Variants in SON observed in about 807,000 individuals in gnomAD.
SON encodes the protein protein SON.
A neutral mutation model predicts 173.3 loss-of-function variants in SON; 4 were observed. The observed-to-expected ratio is 0.02, with a 90% CI of 0.01 to 0.05. The LOEUF (loss-of-function observed/expected upper bound fraction) is 0.05, where lower values mean the gene tolerates loss of function less well. Among genes scored for constraint, SON ranks in the 10% least tolerant of loss-of-function variants. The pLI is 1.00. For missense variants in SON, 2,626 were observed against 3,055.3 expected, an observed-to-expected ratio of 0.86 and a Z score of 3.31; for synonymous variants, 1,190 against 1,105.9, an observed-to-expected ratio of 1.08 and a Z score of -1.51.
Position 33,551,061 on chromosome 21 carries a change from G to A in SON, c.1830G>A (p.Gly610=), listed in dbSNP as rs1569053264. Residue 610 remains glycine, a synonymous_variant, in exon 3 of 12, where the codon GGG becomes GGA. Coordinates refer to ENST00000356577, the MANE Select transcript of SON (RefSeq NM_138927.4). ...LMAAGALEFS[G]QSGAAGALEL... ...CAGCTGGGGCACTGGAGTTCTCGGGGCAGTCTGGGGCAGCTGGAGCACTGG... is the reference window on the plus strand; with the variant it reads ...CAGCTGGGGCACTGGAGTTCTCGGGACAGTCTGGGGCAGCTGGAGCACTGG... The A allele has an allele frequency of 6.2e-7, 1 of 1,612,592 alleles. No individual in the cohort carries two copies. Among genetic ancestry groups the A allele is most frequent in the East Asian group, 2.2e-5 (1 of 44,850 alleles).
chr21:33,549,628 C>A lies in SON; in HGVS notation c.397C>A (p.Pro133Thr). ...KEKEKKYKRQ[P>T]EESESKTKSH... ...AAAGGAAAAAAAATATAAAAGACAG[C>A]CAGAAGAATCTGAGTCAAAGACGAA... The change falls in exon 3 of 12, where the codon CCA (proline) becomes ACA (threonine). Residue 133 changes from proline (P) to threonine (T), a missense_variant. Pro to Thr is a conservative substitution (Grantham distance 38). This residue lies in a region of SON where 757 missense variants were observed against 730.1 expected (regional missense o/e 1.04). Coordinates refer to ENST00000356577, the MANE Select transcript of SON (RefSeq NM_138927.4). The A allele has an allele frequency of 6.2e-7, 1 of 1,605,940 alleles. No homozygotes were observed. The highest frequency in any genetic ancestry group is 8.5e-7 in the Non-Finnish European group (1 of 1,177,578).
At chr21:33,558,830 A>G (rs2086015473) in intron 4 of SON, 1 of 153,198 alleles carries the variant, frequency 6.5e-6, no homozygotes, top group Admixed American at 6.5e-5. Context: ...TTATGTACTC[A>G]GTTTGTATTA....
In SON at chr21:33,552,772, G is replaced by A. The variant is rs1210956110; in HGVS notation, c.3541G>A (p.Ala1181Thr). 3.7e-6 allele frequency: 6 copies of A among 1,613,642 alleles called. No individual in the cohort carries two copies. In the Admixed American group the frequency reaches 8.3e-5, roughly 22 times the overall value. The part of the protein sequence containing the change: ...LPPEEPPEGP[A>T]LPTEQSALTA... ...TCCTGAGGAACCACCAGAGGGTCCA[G>A]CATTGCCCACTGAGCAGTCAGCATT... is the stretch of plus-strand genomic sequence containing the variant. Residue 1181 changes from alanine (A) to threonine (T), a missense_variant, in exon 3 of 12, where the codon GCA (alanine) becomes ACA (threonine). This residue lies in a region of SON where 1,006 missense variants were observed against 895.6 expected (regional missense o/e 1.12). Coordinates refer to ENST00000356577, the MANE Select transcript of SON (RefSeq NM_138927.4). The surrounding 1 kb of genome is among the most constrained non-coding windows in gnomAD (Gnocchi z 5.6).
chr21:33,566,844 A>G (rs1431513151), intron 6 of SON, among the ~76,000 whole-genome samples: 1 of 152,198 alleles, frequency 6.6e-6, no homozygotes, highest in Non-Finnish European at 1.5e-5. Context: ...CATGAAGAGT[A>G]GCGAGTTTTA....
chr21:33,560,543 T>C (rs1019644479), intron 6 of SON: 7 of 990,404 alleles, frequency 7.1e-6, no homozygotes, highest in African/African-American at 1.7e-5. Context: ...CTGCTAAATA[T>C]AGTGCACATG....
chr21:33,543,259 T>A, intron 1 of SON, 90 bp downstream of exon 1: 2 of 1,278,564 alleles, frequency 1.6e-6, no homozygotes, highest in Non-Finnish European at 2.3e-6. Context: ...ACGCAGTCGT[T>A]CCCCGGCTCA....
At chr21:33,566,194 T>C (rs2086167754) in intron 6 of SON, among the ~76,000 whole-genome samples, 1 of 152,102 alleles carries the variant, frequency 6.6e-6, no homozygotes, top group African/African-American at 2.4e-5. Context: ...AGATAAGCAT[T>C]TTACAAAAAT....
chr21:33,573,482 A>G, intron 9 of SON, 27 bp downstream of exon 9: 1 of 1,595,412 alleles, frequency 6.3e-7, no homozygotes, highest in South Asian at 1.1e-5. Flanking sequence ...TGGAATGTTT[A>G]TTAACGTCTC....
rs757244019 is a variant in SON, at chr21:33,555,099, C to T, written c.5868C>T (p.Arg1956=). 6.6e-7 allele frequency: 1 copy of T among 1,522,170 alleles called. No individual in the cohort carries two copies. Among genetic ancestry groups the T allele is most frequent in the Non-Finnish European group, 8.9e-7 (1 of 1,129,066 alleles). 94.3% of individuals were successfully genotyped at this position (1,522,170 alleles called of 1,614,324 possible). A position where few individuals can be genotyped will look rare whatever the true frequency, so the allele number is the denominator to read the frequency against. ...RRSFSISPSR[R]SRTPSRRSRT... is the part of the protein sequence containing the mutation. ...GCTTTAGCATTTCCCCAAGCCGCCG[C>T]AGCCGCACCCCCAGCCGCCGCAGCC... Residue 1956 remains arginine (R), a synonymous_variant, in exon 3 of 12, where the codon CGC becomes CGT. Transcript: ENST00000356577.
At position 33,550,343 on chromosome 21, in the gene SON, A is replaced by G. The variant is rs776399682; in HGVS notation, c.1112A>G (p.Glu371Gly). 6.8e-6 allele frequency: 11 copies of G among 1,613,968 alleles called. No individual in the cohort carries two copies. The East Asian group carries it at 2.5e-4, about 36-fold the overall frequency. Residue 371 changes from glutamate to glycine, a missense_variant, in exon 3 of 12, where the codon GAG (glutamate) becomes GGG (glycine). By Grantham distance (98) the Glu-to-Gly change is moderately conservative (BLOSUM62 -2). Around this residue, in one of 13 missense-constraint regions of SON, gnomAD observed 757 missense variants for 730.1 expected, o/e 1.04. Transcript: ENST00000356577. ...LPELPKTTALELQESSVASAM... is the reference protein window; with the variant it reads ...LPELPKTTALGLQESSVASAM... ...GAGCTGCCTAAGACCACAGCGTTGGAGCTGCAGGAGTCGTCGGTGGCCTCA... is the reference window on the plus strand; with the variant it reads ...GAGCTGCCTAAGACCACAGCGTTGGGGCTGCAGGAGTCGTCGGTGGCCTCA...
At chr21:33,562,177 G>GTA (rs1162799733) in intron 6 of SON, among the ~76,000 whole-genome samples, 9 of 152,026 alleles carry the variant, frequency 5.9e-5, no homozygotes, top group African/African-American at 2.2e-4. Flanking sequence ...ATACTATATT[G>GTA]TATATATAGA....
chr21:33,557,669 A>T, intron 4 of SON: 1 of 1,513,654 alleles, frequency 6.6e-7, no homozygotes, highest in Non-Finnish European at 8.9e-7. Context: ...ACTGATCGCC[A>T]CGAGTATACT....
At position 33,554,647 on chromosome 21, in the gene SON, A is replaced by G; in HGVS notation, c.5416A>G (p.Asn1806Asp). Residue 1806 changes from asparagine (N) to aspartate (D), a missense_variant, in exon 3 of 12, where the codon AAT (asparagine) becomes GAT (aspartate). Coordinates refer to ENST00000356577, the MANE Select transcript of SON (RefSeq NM_138927.4). The part of the protein sequence containing the change: ...VKDTHEKSKK[N>D]KNRDKGEKEK... ...GGACACTCACGAAAAAAGCAAGAAA[A>G]ATAAGAACCGTGATAAGGGGGAGAA... 1.2e-6 allele frequency: 2 copies of G among 1,613,156 alleles called. No individual in the cohort carries two copies. The highest frequency in any genetic ancestry group is 1.7e-6 in the Non-Finnish European group (2 of 1,179,856).
rs140950391 is a variant in SON at position 33,553,436 on chromosome 21, A to G, written c.4205A>G (p.Tyr1402Cys). 1.7e-4 allele frequency: 276 copies of G among 1,614,116 alleles called. No homozygotes were observed. In the African/African-American group the frequency reaches 3.1e-3, roughly 18 times the overall value. Residue 1402 changes from tyrosine (Y) to cysteine (C), a missense_variant, in exon 3 of 12, where the codon TAT (tyrosine) becomes TGT (cysteine). Physicochemically the swap from Tyr to Cys is radical, Grantham distance 194. Around this residue, in one of 13 missense-constraint regions of SON, gnomAD observed 1,006 missense variants for 895.6 expected, o/e 1.12. Transcript: ENST00000356577. ...PEPPVVAEPDYVTIPVPVVSA... is the reference protein window; with the variant it reads ...PEPPVVAEPDCVTIPVPVVSA... ...CCTCCTGTTGTGGCTGAGCCAGACT[A>G]TGTTACCATTCCTGTGCCAGTTGTT...
intron 2 of SON, among the ~76,000 whole-genome samples, chr21:33,548,216 A>G (rs1474652783): frequency 6.6e-6 from 1 of 151,802 alleles, no homozygotes; most frequent in Admixed American, 6.6e-5. Flanking sequence ...TTTCCTCTCT[A>G]AAATCAGTAT....
chr21:33,567,375 T>G, intron 7 of SON, 108 bp downstream of exon 7: 2 of 688,772 alleles, frequency 2.9e-6, no homozygotes, highest in Non-Finnish European at 5.4e-6. Context: ...ATGGTTGAGT[T>G]GTAACATCCT....
Position 33,551,684 on chromosome 21 carries a change from C to G in SON, c.2453C>G (p.Thr818Ser), listed in dbSNP as rs761015813. ...TCCATGGACTCCCAGATGTTAGCAA[C>G]CAGCTCCATGGACTCCCAGATGTTA... is the stretch of plus-strand genomic sequence containing the variant. Reference protein sequence around the residue: ...TSSMDSQMLATSSMDSQMLAT... With the variant: ...TSSMDSQMLASSSMDSQMLAT... Residue 818 changes from threonine to serine, a missense_variant, in exon 3 of 12, where the codon ACC becomes AGC. Transcript: ENST00000356577. 9.9e-6 allele frequency: 16 copies of G among 1,612,344 alleles called. No individual in the cohort carries two copies. The South Asian group carries it at 1.5e-4, about 16-fold the overall frequency.
At chr21:33,546,044 A>G (rs2085605545) in intron 1 of SON, among the ~76,000 whole-genome samples, 169 bp from the exon 2 acceptor site, 1 of 152,236 alleles carries the variant, frequency 6.6e-6, no homozygotes, top group Non-Finnish European at 1.5e-5. Flanking sequence ...GAAATGTCCA[A>G]AATATAAGTA....
At chr21:33,556,148 G>A (rs2085961792) in intron 3 of SON, among the ~76,000 whole-genome samples, 1 of 152,308 alleles carries the variant, frequency 6.6e-6, no homozygotes, top group East Asian at 1.9e-4. Flanking sequence ...AAGAGGTTAA[G>A]AGTAAAAAGG....
Sources: gnomAD v4.1 joint callset for allele counts (sites outside exome capture counted in the v4.1 genomes callset) on GRCh38, gnomAD v4.1.1 for gene constraint, gnomAD v4.1.1 regional missense constraint, Gnocchi (gnomAD v3.1) non-coding constraint, MANE v1.5 for transcripts, NCBI Gene and HGNC (gene_info 2026-07-23, HGNC 2026-07-21) for gene names.